Variants in SLC46A3 observed in about 807,000 individuals in gnomAD.
SLC46A3 encodes the protein solute carrier family 46 member 3, also known as lysosomal proton-coupled steroid conjugate and bile acid symporter SLC46A3.
Under a neutral mutation model 38.5 loss-of-function variants are expected in SLC46A3, and 26 were observed. That is an observed-to-expected ratio of 0.68 (90% CI 0.49 to 0.94). The LOEUF is 0.94. SLC46A3 is among the 40% of genes least tolerant of loss of function. SLC46A3 has a pLI of 0.00. For synonymous variants in SLC46A3, 185 were observed against 192.5 expected (o/e 0.96, Z 0.32); for missense variants, 510 against 544.3 (o/e 0.94, Z 0.63).
rs746385518 is a variant in SLC46A3 at position 28,710,770 on chromosome 13, C to T, written c.1134G>A (p.Ser378=). ...LRSMLSKVVR[S]TEQGTLFACI... is the part of the protein sequence containing the mutation. ...GCAAATTAAACTCACCTTGTTCAGT[C>T]GAACGAACCACTTTTGACAACATGG... The change falls in exon 4 of 6, where the codon TCG becomes TCA. Residue 378 remains serine, a synonymous_variant. Transcript: ENST00000266943. 2.9e-5 allele frequency: 47 copies of T among 1,612,930 alleles called. 1 individual carries two copies. In the South Asian group the frequency reaches 3.4e-4, roughly 12 times the overall value.
chr13:28,713,372 T>C lies in SLC46A3; in HGVS notation c.368A>G (p.Tyr123Cys), dbSNP rs1444267559. The stretch of plus-strand genomic sequence containing the variant: ...CAAAAGCTGGAATGGAAAGGCAAAA[T>C]AGCAAAGCAAACAGAGCCAAACGCT... The part of the protein sequence containing the change: ...ATSVWLCLLC[Y>C]FAFPFQLLIA... The change falls in exon 3 of 6, where the codon TAT (tyrosine) becomes TGT (cysteine). Residue 123 changes from tyrosine to cysteine, a missense_variant. Tyr to Cys is a radical substitution (Grantham distance 194, BLOSUM62 -2). Transcript: ENST00000266943. 1 of 1,613,688 alleles carries C rather than the reference T, an allele frequency of 6.2e-7. No individual in the cohort carries two copies. Among genetic ancestry groups the C allele is most frequent in the Non-Finnish European group, 8.5e-7 (1 of 1,180,006 alleles).
intron 2 of SLC46A3, among the ~76,000 whole-genome samples, chr13:28,713,977 G>T (rs1885446633): frequency 6.6e-6 from 1 of 152,100 alleles, no homozygotes; most frequent in South Asian, 2.1e-4. Context: ...TTTTACACTT[G>T]TGGTAAAGTG....
intron 3 of SLC46A3, among the ~76,000 whole-genome samples, chr13:28,711,571 A>G (rs890220616): frequency 6.6e-6 from 1 of 151,894 alleles, no homozygotes; most frequent in African/African-American, 2.4e-5. Context: ...TGCCTTTATT[A>G]TATTGATTTA....
Position 28,701,590 on chromosome 13 carries a change from G to C in SLC46A3, c.1302-9C>G. 1 of 1,608,000 alleles carries C rather than the reference G, an allele frequency of 6.2e-7. No homozygotes were observed. Among genetic ancestry groups the C allele is most frequent in the Non-Finnish European group, 8.5e-7 (1 of 1,177,732 alleles). Reference sequence around the variant, plus strand: ...TGGTACACTTGACAACACTATAAAAGGAAACAAGACATTTTAAAGTTGAGA... The same window carrying C: ...TGGTACACTTGACAACACTATAAAACGAAACAAGACATTTTAAAGTTGAGA... On this transcript the variant is annotated splice_polypyrimidine_tract_variant and intron_variant, in intron 5 of 5. Coordinates refer to ENST00000266943, the MANE Select transcript of SLC46A3 (RefSeq NM_181785.4).
At position 28,713,160 on chromosome 13, in the gene SLC46A3, G is replaced by C. The variant is rs745513942; in HGVS notation, c.580C>G (p.Leu194Val). Residue 194 changes from leucine (L) to valine (V), a missense_variant, in exon 3 of 6, where the codon CTA becomes GTA. Coordinates refer to ENST00000266943, the MANE Select transcript of SLC46A3 (RefSeq NM_181785.4). ...GLSSGYFIRELGFEWSFLIIA... is the reference protein window; with the variant it reads ...GLSSGYFIREVGFEWSFLIIA... Reference sequence around the variant, plus strand: ...ATTAGAAACGACCACTCAAAACCTAGCTCTCTAATAAAATAGCCAGATGAC... The same window carrying C: ...ATTAGAAACGACCACTCAAAACCTACCTCTCTAATAAAATAGCCAGATGAC... 1.9e-6 allele frequency: 3 copies of C among 1,613,860 alleles called. No individual in the cohort carries two copies. The highest frequency in any genetic ancestry group is 1.1e-5 in the South Asian group (1 of 91,062).
intron 4 of SLC46A3, among the ~76,000 whole-genome samples, chr13:28,705,837 C>T (rs770039200): frequency 2.7e-4 from 41 of 152,140 alleles, no homozygotes; most frequent in Non-Finnish European, 5.1e-4. Flanking sequence ...CTTTCTGCAG[C>T]CAGGAATAGT....
At chr13:28,706,702 G>A (rs1447804277) in intron 4 of SLC46A3, among the ~76,000 whole-genome samples, 1 of 152,128 alleles carries the variant, frequency 6.6e-6, no homozygotes, top group Non-Finnish European at 1.5e-5. Flanking sequence ...GTGAGCCACT[G>A]CACCTGGCGG....
intron 4 of SLC46A3, among the ~76,000 whole-genome samples, chr13:28,708,614 C>CTTTTTTTTTTTTTTTT (rs71190788): frequency 4.8e-4 from 62 of 128,262 alleles, no homozygotes; most frequent in Non-Finnish European, 6.5e-4. Flanking sequence ...TTTTTCTTTT[C>CTTTTTTTTTTTTTTTT]TTTTTTTTTT....
intron 5 of SLC46A3, 41 bp from the exon 6 acceptor site, chr13:28,701,622 C>T (rs1224926602): frequency 4.5e-6 from 7 of 1,571,218 alleles, no homozygotes; most frequent in Non-Finnish European, 6.1e-6. Context: ...GAGATTAAGA[C>T]AATACATAAA....
At position 28,710,770 on chromosome 13, in the gene SLC46A3, C is replaced by G. The variant is rs746385518; in HGVS notation, c.1134G>C (p.Ser378=). Residue 378 remains serine, a synonymous_variant, in exon 4 of 6, where the codon TCG becomes TCC. Coordinates refer to ENST00000266943, the MANE Select transcript of SLC46A3 (RefSeq NM_181785.4). ...LRSMLSKVVR[S]TEQGTLFACI... ...GCAAATTAAACTCACCTTGTTCAGT[C>G]GAACGAACCACTTTTGACAACATGG... The G allele has an allele frequency of 1.2e-6, 2 of 1,612,932 alleles. No homozygotes were observed. The highest frequency in any genetic ancestry group is 1.3e-5 in the African/African-American group (1 of 74,888).
In SLC46A3 at chr13:28,717,846, T is replaced by C. The variant is rs569510912; in HGVS notation, c.153A>G (p.Glu51=). 1 of 1,613,476 alleles carries C rather than the reference T, an allele frequency of 6.2e-7. No homozygotes were observed. Among genetic ancestry groups the C allele is most frequent in the East Asian group, 2.2e-5 (1 of 44,882 alleles). ...CAAAAATTGGGCTGCTTTTGTTTTT[T>C]TCACACTCAGAAATATTGCTATCAG... is the stretch of plus-strand genomic sequence containing the variant. ...FSSDSNISEC[E]KNKSSPIFAF... The change falls in exon 2 of 6, where the codon GAA becomes GAG. Residue 51 remains glutamate (E), a synonymous_variant. Transcript: ENST00000266943.
intron 4 of SLC46A3, among the ~76,000 whole-genome samples, chr13:28,707,248 T>G (rs543409590): frequency 6.6e-6 from 1 of 151,592 alleles, no homozygotes; most frequent in East Asian, 1.9e-4. Flanking sequence ...ATGTCCTTCG[T>G]AGGGACATGG....
At position 28,712,847 on chromosome 13, in the gene SLC46A3, C is replaced by T. The variant is rs754390339; in HGVS notation, c.893G>A (p.Gly298Asp). 44 of 1,611,464 alleles carry T rather than the reference C, an allele frequency of 2.7e-5. No individual in the cohort carries two copies. In the South Asian group the frequency reaches 4.5e-4, roughly 17 times the overall value. The change falls in exon 3 of 6, where the codon GGT becomes GAT. Residue 298 changes from glycine to aspartate, a missense_variant. Physicochemically the swap from Gly to Asp is moderately conservative, Grantham distance 94 (BLOSUM62 -1). Transcript: ENST00000266943. ...GGCACTACCCAAAGCTGATCCATAA[C>T]CTATAAAAACTTCATTCCAGCAGAG... ...SPLCWNEVFI[G>D]YGSALGSASF... is the part of the protein sequence containing the mutation.
At chr13:28,708,054 T>C (rs1296130458) in intron 4 of SLC46A3, among the ~76,000 whole-genome samples, 1 of 152,264 alleles carries the variant, frequency 6.6e-6, no homozygotes, top group East Asian at 1.9e-4. Flanking sequence ...GCTGGATGGA[T>C]AAACCACATT....
intron 2 of SLC46A3, among the ~76,000 whole-genome samples, chr13:28,716,225 C>G (rs1254764539): frequency 1.3e-5 from 2 of 152,098 alleles, no homozygotes; most frequent in Non-Finnish European, 1.5e-5. Context: ...ATTCCCATGT[C>G]CAGTCAAGGT....
rs749570999 is a variant in SLC46A3, at chr13:28,703,946, AGACTGAT to A, written c.1291_1297del (p.Ile431TyrfsTer50). ...ATGATTAAAAATAATGACATACCAT[AGACTGAT>A]GGCTGGAAGTAGTAACAGACCAGCA... On this transcript the variant is annotated frameshift_variant, in exon 5 of 6. Transcript: ENST00000266943. LOFTEE classifies it low-confidence loss of function (END_TRUNC). The A allele has an allele frequency of 6.8e-6, 11 of 1,613,138 alleles. No individual in the cohort carries two copies. The highest frequency in any genetic ancestry group is 1.3e-5 in the African/African-American group (1 of 74,868).
Position 28,713,037 on chromosome 13 carries a change from T to C in SLC46A3, c.703A>G (p.Ser235Gly), listed in dbSNP as rs769261569. The change falls in exon 3 of 6, where the codon AGT (serine) becomes GGT (glycine). Residue 235 changes from serine to glycine, a missense_variant. Ser to Gly is a moderately conservative substitution (Grantham distance 56). Coordinates refer to ENST00000266943, the MANE Select transcript of SLC46A3 (RefSeq NM_181785.4). ...CSSQNVTMSC[S>G]EGFKNLFYRT... The stretch of plus-strand genomic sequence containing the variant: ...TAAAATAGGTTTTTGAAGCCTTCAC[T>C]ACATGACATAGTAACATTCTGAGAT... 1.9e-6 allele frequency: 3 copies of C among 1,612,086 alleles called. No individual in the cohort carries two copies. The highest frequency in any genetic ancestry group is 2.2e-5 in the East Asian group (1 of 44,868).
chr13:28,710,698 T>C (rs1346163143), intron 4 of SLC46A3, 62 bp downstream of exon 4: 1 of 1,231,322 alleles, frequency 8.1e-7, no homozygotes, highest in African/African-American at 1.5e-5. Flanking sequence ...AAACATTGAT[T>C]GTACACAGAT....
intron 2 of SLC46A3, among the ~76,000 whole-genome samples, chr13:28,715,139 C>T (rs781129699): frequency 4.6e-5 from 7 of 152,124 alleles, no homozygotes; most frequent in Non-Finnish European, 8.8e-5. Flanking sequence ...ACCACTCCAG[C>T]GTGGGTGGCA....
Sources: gnomAD v4.1 joint callset for allele counts (sites outside exome capture counted in the v4.1 genomes callset) on GRCh38, gnomAD v4.1.1 for gene constraint, MANE v1.5 for transcripts, NCBI Gene and HGNC (gene_info 2026-07-23, HGNC 2026-07-21) for gene names.